The following DOCK4 variants were observed in gnomAD, a reference collection of about 807,000 sequenced individuals.
The protein encoded by DOCK4 is dedicator of cytokinesis 4.
DOCK4 carries 97 observed loss-of-function variants against 268.1 expected under a neutral mutation model. The observed-to-expected ratio is 0.36, with a 90% confidence interval of 0.31 to 0.43. The LOEUF (loss-of-function observed/expected upper bound fraction) is 0.43, where lower values mean the gene tolerates loss of function less well. Ranked by LOEUF, DOCK4 falls within the 20% of genes least tolerant of loss-of-function variation. DOCK4 has a pLI of 1.00. For synonymous variants in DOCK4, 954 were observed against 887.2 expected (o/e 1.08, Z -1.34); for missense variants, 2,145 against 2,455.7 (o/e 0.87, Z 2.67).
chr7:111,950,894 C>A (rs940849991), intron 8 of DOCK4, among the ~76,000 whole-genome samples: 7 of 152,308 alleles, frequency 4.6e-5, no homozygotes, highest in African/African-American at 1.7e-4. Context: ...CTGTCTTCCT[C>A]TTCTTACAGA....
At chr7:112,105,132 A>C (rs913052541) in intron 1 of DOCK4, among the ~76,000 whole-genome samples, 2 of 152,202 alleles carry the variant, frequency 1.3e-5, no homozygotes, top group Admixed American at 1.3e-4. Context: ...AAAAACTCCC[A>C]GTCACCATCA....
At chr7:111,746,802 G>T (rs1796298803) in intron 43 of DOCK4, among the ~76,000 whole-genome samples, 1 of 139,876 alleles carries the variant, frequency 7.1e-6, no homozygotes. Context: ...ATCTAAGCAA[G>T]ATCGGTCTTA....
intron 8 of DOCK4, among the ~76,000 whole-genome samples, chr7:111,968,953 C>A (rs1201508971): frequency 1.1e-5 from 1 of 86,970 alleles, no homozygotes; most frequent in Non-Finnish European, 2.1e-5. Flanking sequence ...AGTAAACTAT[C>A]GCAAGAACAA....
At chr7:112,073,768 A>C (rs1050843953) in intron 1 of DOCK4, among the ~76,000 whole-genome samples, 3 of 152,206 alleles carry the variant, frequency 2.0e-5, no homozygotes, top group Non-Finnish European at 4.4e-5. Flanking sequence ...GAGATGGGGG[A>C]GGAGGGTACT....
intron 7 of DOCK4, among the ~76,000 whole-genome samples, 154 bp from the exon 8 acceptor site, chr7:111,977,437 A>G (rs1158659853): frequency 6.6e-6 from 1 of 152,238 alleles, no homozygotes; most frequent in Admixed American, 6.5e-5. Flanking sequence ...AGCAAAATAT[A>G]CATTCTATGT....
intron 4 of DOCK4, among the ~76,000 whole-genome samples, chr7:111,997,066 G>A (rs1800025923): frequency 6.6e-6 from 1 of 152,188 alleles, no homozygotes; most frequent in Non-Finnish European, 1.5e-5. Flanking sequence ...GGTAGCCCAT[G>A]GTGTTTTCAC....
At chr7:112,189,753 T>G (rs2523023) in intron 1 of DOCK4, among the ~76,000 whole-genome samples, 3 of 114,592 alleles carry the variant, frequency 2.6e-5, no homozygotes, top group Admixed American at 8.8e-5. Flanking sequence ...TTTGTTTTTT[T>G]TTTTTTTTTT....
chr7:112,101,081 GAC>G (rs1312736958), intron 1 of DOCK4, among the ~76,000 whole-genome samples: 2 of 152,086 alleles, frequency 1.3e-5, no homozygotes, highest in African/African-American at 4.8e-5. Flanking sequence ...GTACAGGGGG[GAC>G]ACATAGAGTG....
At chr7:111,919,363 T>G (rs1213555778) in intron 12 of DOCK4, among the ~76,000 whole-genome samples, 2 of 147,034 alleles carry the variant, frequency 1.4e-5, no homozygotes, top group Non-Finnish European at 3.0e-5. Flanking sequence ...GGGGAGAGAG[T>G]GCAAAAGGAC....
chr7:111,988,839 G>T (rs974109419), intron 6 of DOCK4, among the ~76,000 whole-genome samples, 176 bp downstream of exon 6: 1 of 152,272 alleles, frequency 6.6e-6, no homozygotes, highest in South Asian at 2.1e-4. Context: ...ACACCAGCTT[G>T]AGAAGAAATG....
chr7:112,014,663 C>G (rs1801654792), intron 1 of DOCK4, among the ~76,000 whole-genome samples: 1 of 152,084 alleles, frequency 6.6e-6, no homozygotes, highest in Admixed American at 6.6e-5. Context: ...ATAGTTAGTT[C>G]TATTATTCTT....
intron 51 of DOCK4, 131 bp from the exon 52 acceptor site, chr7:111,732,418 T>G: frequency 1.2e-6 from 1 of 865,740 alleles, no homozygotes; most frequent in Non-Finnish European, 1.8e-6. Context: ...AAGGGGGTGG[T>G]GAGGATGGGG....
chr7:111,931,425 A>G (rs1336626802), intron 12 of DOCK4, among the ~76,000 whole-genome samples: 2 of 152,216 alleles, frequency 1.3e-5, no homozygotes, highest in Non-Finnish European at 2.9e-5. Context: ...TCCAGTAAGA[A>G]TAAGGAGCTA....
At chr7:111,738,690 C>T (rs1016225580) in intron 49 of DOCK4, among the ~76,000 whole-genome samples, 25 of 152,344 alleles carry the variant, frequency 1.6e-4, no homozygotes, top group African/African-American at 5.5e-4. Flanking sequence ...GTAATCCCAG[C>T]ACTTTGGGAG....
chr7:111,801,795 T>C (rs1355924963), intron 30 of DOCK4: 1 of 149,494 alleles, frequency 6.7e-6, no homozygotes, highest in Non-Finnish European at 1.5e-5. Context: ...GTTCACGCCA[T>C]TCTCCTGCCT....
intron 1 of DOCK4, among the ~76,000 whole-genome samples, chr7:112,119,859 T>C (rs1812565482): frequency 6.6e-6 from 1 of 151,668 alleles, no homozygotes; most frequent in African/African-American, 2.4e-5. Flanking sequence ...CTTTTTTTTT[T>C]TTTTCCGAGA....
At chr7:111,929,498 A>G (rs1257662766) in intron 12 of DOCK4, among the ~76,000 whole-genome samples, 23 of 152,226 alleles carry the variant, frequency 1.5e-4, no homozygotes, top group Admixed American at 1.5e-3. Context: ...TTTTATTTCA[A>G]TGATACTAGA....
At chr7:112,123,721 C>G (rs1477152524) in intron 1 of DOCK4, among the ~76,000 whole-genome samples, 2 of 152,214 alleles carry the variant, frequency 1.3e-5, no homozygotes, top group Non-Finnish European at 2.9e-5. Context: ...AGAACCATTA[C>G]AGCCTTGAAC....
intron 52 of DOCK4, among the ~76,000 whole-genome samples, chr7:111,729,420 G>A (rs1200043065): frequency 6.6e-6 from 1 of 151,946 alleles, no homozygotes; most frequent in Admixed American, 6.6e-5. Context: ...TTAGCTGGGC[G>A]TGGTGGCTCA....
Sources: allele counts gnomAD v4.1 joint callset (sites outside exome capture counted in the v4.1 genomes callset), GRCh38; gene constraint gnomAD v4.1.1; transcripts MANE v1.5; gene names NCBI Gene and HGNC (gene_info 2026-07-23, HGNC 2026-07-21).